The following MMP26 variants were observed in gnomAD, a reference collection of about 807,000 sequenced individuals.
MMP26 encodes matrix metalloproteinase-26.
In MMP26, 33 loss-of-function variants were observed where a neutral mutation model predicts 31.0. That is an observed-to-expected ratio of 1.06 (90% CI 0.81 to 1.42). The LOEUF (loss-of-function observed/expected upper bound fraction) is 1.42. MMP26 is among the 40% of genes most tolerant of loss of function. The pLI is 0.00. For synonymous variants in MMP26, 122 were observed against 114.9 expected (o/e 1.06, Z -0.40); for missense variants, 347 against 316.1 (o/e 1.10, Z -0.74).
intron 6 of MMP26, 138 bp downstream of exon 6, chr11:4,991,634 G>A: frequency 9.4e-7 from 1 of 1,063,144 alleles, no homozygotes; most frequent in Non-Finnish European, 1.3e-6. Flanking sequence ...CTTTATAAGT[G>A]AGGAGATGTG....
chr11:4,877,801 A>G (rs1032857015), intron 2 of MMP26: 2 of 152,190 alleles, frequency 1.3e-5, no homozygotes, highest in Non-Finnish European at 2.9e-5. Context: ...AAATTGCATA[A>G]TGGTTTTCAT....
chr11:4,915,979 C>T (rs1423380754), intron 2 of MMP26, among the ~76,000 whole-genome samples: 1 of 152,080 alleles, frequency 6.6e-6, no homozygotes, highest in Non-Finnish European at 1.5e-5. Flanking sequence ...TCTGTATCAA[C>T]CAGGTCTTCT....
chr11:4,952,340 G>A (rs1846382630), intron 2 of MMP26, among the ~76,000 whole-genome samples: 1 of 124,756 alleles, frequency 8.0e-6, no homozygotes, highest in South Asian at 2.4e-4. Context: ...TGGAAATGAA[G>A]TCTTTATATT....
At chr11:4,710,915 A>G (rs1229700319) in intron 1 of MMP26, 1 of 155,100 alleles carries the variant, frequency 6.4e-6, no homozygotes, top group Non-Finnish European at 1.4e-5. Context: ...GTGATGATTC[A>G]TTATTCCACC....
chr11:4,986,964 T>TCTCTCTCTCC (rs1846909428), intron 2 of MMP26, among the ~76,000 whole-genome samples: 2 of 141,448 alleles, frequency 1.4e-5, no homozygotes, highest in African/African-American at 5.4e-5. Context: ...TCTCTCCCTC[T>TCTCTCTCTCC]CTCTCTCTCT....
At chr11:4,920,103 A>C (rs571318317) in intron 2 of MMP26, among the ~76,000 whole-genome samples, 2 of 152,280 alleles carry the variant, frequency 1.3e-5, no homozygotes, top group African/African-American at 4.8e-5. Flanking sequence ...TTTTAGAGAG[A>C]GAAATGAAGG....
intron 1 of MMP26, chr11:4,711,053 T>C (rs1364560990): frequency 6.6e-6 from 1 of 152,408 alleles, no homozygotes; most frequent in Admixed American, 6.5e-5. Context: ...TGTATTTTAA[T>C]AGTAGAAGAT....
chr11:4,942,122 C>CCTACT (rs1460566570), intron 2 of MMP26, among the ~76,000 whole-genome samples: 1 of 65,636 alleles, frequency 1.5e-5, no homozygotes, highest in Admixed American at 1.6e-4. Flanking sequence ...GAAGTAAAAC[C>CCTACT]CTACTCAGAC....
At position 4,946,082 on chromosome 11, in the gene MMP26, G is replaced by C. The variant is rs150988996; in HGVS notation, c.-144-41986G>C. On this transcript the variant is annotated intron_variant, in intron 2 of 7. Coordinates refer to ENST00000380390, the MANE Select transcript of MMP26 (RefSeq NM_021801.5). Reference sequence around the variant, plus strand: ...CAAAAATATGTGTTGATAATTCTTGGTGTCAAATATTAGGTTTCTCAAATT... The same window carrying C: ...CAAAAATATGTGTTGATAATTCTTGCTGTCAAATATTAGGTTTCTCAAATT... 1,235 of 1,260,386 alleles carry C rather than the reference G, an allele frequency of 9.8e-4. 19 individuals carry two copies. The East Asian group carries it at 0.026, about 26-fold the overall frequency. The allele number at this position is 1,260,386 out of a possible 1,614,324, so 78.1% of individuals were successfully genotyped here. A position where few individuals can be genotyped will look rare whatever the true frequency, so the allele number is the denominator to read the frequency against.
chr11:4,708,420 G>A (rs7122597), intron 1 of MMP26, among the ~76,000 whole-genome samples: 47,542 of 151,978 alleles, frequency 0.31, 10,594 homozygotes, highest in African/African-American at 0.63. Flanking sequence ...CTTTTCATTC[G>A]GGGGGTTGCA....
At chr11:4,889,417 C>G (rs750631076) in intron 2 of MMP26, among the ~76,000 whole-genome samples, 2 of 152,238 alleles carry the variant, frequency 1.3e-5, no homozygotes, top group Non-Finnish European at 2.9e-5. Flanking sequence ...CAGATGCAAT[C>G]AATCACACTT....
chr11:4,953,906 G>A (rs1436909522), intron 2 of MMP26, among the ~76,000 whole-genome samples: 1 of 124,762 alleles, frequency 8.0e-6, no homozygotes, highest in African/African-American at 2.7e-5. Context: ...ACAAAAATCA[G>A]CCAGGCGTGG....
At chr11:4,886,094 C>G (rs1850542596) in intron 2 of MMP26, among the ~76,000 whole-genome samples, 1 of 152,078 alleles carries the variant, frequency 6.6e-6, no homozygotes, top group Non-Finnish European at 1.5e-5. Context: ...GTTTTTGCTA[C>G]TATTTCCTAT....
chr11:4,783,717 T>C (rs1187051215), intron 2 of MMP26, among the ~76,000 whole-genome samples: 2 of 152,152 alleles, frequency 1.3e-5, no homozygotes, highest in Non-Finnish European at 2.9e-5. Context: ...GGAGGGATCC[T>C]GTGGGAGGTA....
chr11:4,757,915 A>G (rs1848524214), intron 1 of MMP26, among the ~76,000 whole-genome samples: 1 of 152,194 alleles, frequency 6.6e-6, no homozygotes, highest in Non-Finnish European at 1.5e-5. Context: ...GACATGAAAA[A>G]TGATACAGCC....
chr11:4,805,600 C>T (rs1457558628), intron 2 of MMP26, among the ~76,000 whole-genome samples: 1 of 152,206 alleles, frequency 6.6e-6, no homozygotes. Context: ...CTATCTCTAG[C>T]ATCTCTGTGC....
intron 1 of MMP26, among the ~76,000 whole-genome samples, chr11:4,748,221 T>C (rs1015225906): frequency 6.6e-6 from 1 of 151,942 alleles, no homozygotes; most frequent in Non-Finnish European, 1.5e-5. Flanking sequence ...TTCCTGGAAA[T>C]ATAACCTCCA....
intron 2 of MMP26, among the ~76,000 whole-genome samples, chr11:4,852,820 A>G (rs938126815): frequency 2.6e-5 from 4 of 152,164 alleles, no homozygotes; most frequent in Non-Finnish European, 4.4e-5. Flanking sequence ...ACAAGTGTTC[A>G]TTGATGTACG....
intron 1 of MMP26, among the ~76,000 whole-genome samples, chr11:4,715,514 C>A (rs1223976852): frequency 2.0e-5 from 3 of 151,970 alleles, no homozygotes; most frequent in East Asian, 3.9e-4. Context: ...AAAGAGAGAA[C>A]TACATGAATT....
Sources: allele counts gnomAD v4.1 joint callset (sites outside exome capture counted in the v4.1 genomes callset), GRCh38; gene constraint gnomAD v4.1.1; transcripts MANE v1.5; gene names NCBI Gene and HGNC (gene_info 2026-07-23, HGNC 2026-07-21).